Variants in SSU72 observed in about 807,000 individuals in gnomAD.
The protein encoded by SSU72 is SSU72 homolog, RNA polymerase II CTD phosphatase.
In SSU72, 12 loss-of-function variants were observed where a neutral mutation model predicts 22.7. The ratio of observed to expected loss-of-function variants is 0.53; its 90% confidence interval spans 0.34 to 0.86. SSU72 has a LOEUF of 0.86. Ranked by LOEUF, SSU72 falls within the 40% of genes least tolerant of loss-of-function variation. The pLI is 0.02. For missense variants in SSU72, 151 were observed against 249.8 expected, an observed-to-expected ratio of 0.60 and a Z score of 2.67; for synonymous variants, 116 against 98.3, an observed-to-expected ratio of 1.18 and a Z score of -1.06.
intron 2 of SSU72, among the ~76,000 whole-genome samples, chr1:1,548,572 A>C (rs6680168): frequency 0.5 from 71,725 of 143,336 alleles, 20,268 homozygotes; most frequent in African/African-American, 0.76. Context: ...AAAAAAAAAA[A>C]AAAACTCCCA....
chr1:1,550,535 T>G (rs1283319188), intron 2 of SSU72, among the ~76,000 whole-genome samples: 4 of 152,202 alleles, frequency 2.6e-5, no homozygotes, highest in Non-Finnish European at 5.9e-5. Flanking sequence ...AGAGAATCAG[T>G]GCCTGGGCCC....
rs151201684 is a variant in SSU72, at chr1:1,550,286, C to T, written c.225-5284G>A. Among the ~76,000 whole-genome samples the T allele has an allele frequency of 2.0e-5, 3 of 152,282 alleles. No homozygotes were observed. The East Asian group carries it at 5.8e-4, about 29-fold the overall frequency. On this transcript the variant is annotated intron_variant, in intron 2 of 4. Transcript: ENST00000291386. ...AACCCCCGCCATCCTCCACGCCAGC[C>T]CGGCTGGGGGTAGCTGGTGCCTCAG...
intron 4 of SSU72, 67 bp downstream of exon 4, chr1:1,543,802 G>T: frequency 7.3e-7 from 1 of 1,362,028 alleles, no homozygotes; most frequent in South Asian, 1.2e-5. Context: ...ACTCCCCTCT[G>T]TCACGGCCTC....
intron 2 of SSU72, chr1:1,545,324 C>T (rs1433907628): frequency 6.4e-6 from 2 of 312,942 alleles, no homozygotes; most frequent in Non-Finnish European, 1.2e-5. Context: ...TCACTGCTGG[C>T]CCGGCCCAAG....
chr1:1,570,625 G>C (rs987571808), intron 1 of SSU72, among the ~76,000 whole-genome samples: 5 of 152,070 alleles, frequency 3.3e-5, no homozygotes, highest in African/African-American at 1.2e-4. Flanking sequence ...GGGTATTATA[G>C]AAAATTATTT....
intron 1 of SSU72, among the ~76,000 whole-genome samples, chr1:1,566,179 C>T (rs562601493): frequency 3.9e-5 from 6 of 151,976 alleles, no homozygotes; most frequent in African/African-American, 7.3e-5. Context: ...GCATGAGAAT[C>T]GCTTGAACCC....
intron 2 of SSU72, among the ~76,000 whole-genome samples, chr1:1,557,201 TCAG>T: frequency 6.6e-6 from 1 of 152,106 alleles, no homozygotes; most frequent in Admixed American, 6.6e-5. Flanking sequence ...TCACTTGAGG[TCAG>T]CAGTTCAAGA....
chr1:1,557,036 G>A (rs1642529506), intron 2 of SSU72, among the ~76,000 whole-genome samples: 1 of 152,174 alleles, frequency 6.6e-6, no homozygotes, highest in East Asian at 1.9e-4. Context: ...TAAAACCCAC[G>A]ATCAGAGTTT....
At chr1:1,573,986 T>A (rs1642772045) in intron 1 of SSU72, among the ~76,000 whole-genome samples, 1 of 149,844 alleles carries the variant, frequency 6.7e-6, no homozygotes, top group Non-Finnish European at 1.5e-5. Context: ...AACTACCGGT[T>A]GGAGGCGTTC....
intron 1 of SSU72, among the ~76,000 whole-genome samples, chr1:1,568,313 C>A (rs775653606): frequency 4.6e-4 from 70 of 152,228 alleles, no homozygotes; most frequent in Non-Finnish European, 2.2e-4. Flanking sequence ...TTTACAAGTA[C>A]CAAAAATCTA....
intron 2 of SSU72, among the ~76,000 whole-genome samples, chr1:1,551,004 G>A (rs1347592759): frequency 6.6e-6 from 1 of 152,064 alleles, no homozygotes; most frequent in African/African-American, 2.4e-5. Flanking sequence ...TCCTGCCAGC[G>A]CCCCCAGGCT....
chr1:1,552,528 CTCCCGAGCCCCCAGCTCAGA>C lies in SSU72; in HGVS notation c.225-7546_225-7527del, dbSNP rs376468910. Reference sequence around the variant, plus strand: ...GTGCCCCACGCCCAGAGGGCGATTCCTCCCGAGCCCCCAGCTCAGAGCCTGAGCTCCAGGGCAGGGCCATC... The same window carrying C: ...GTGCCCCACGCCCAGAGGGCGATTCCGCCTGAGCTCCAGGGCAGGGCCATC... On this transcript the variant is annotated intron_variant, in intron 2 of 4. Coordinates refer to ENST00000291386, the MANE Select transcript of SSU72 (RefSeq NM_014188.3). Among the ~76,000 whole-genome samples the C allele has an allele frequency of 6.2e-3, 941 of 152,346 alleles. 12 individuals are homozygous for C. Among genetic ancestry groups the C allele is most frequent in the African/African-American group, 0.021 (879 of 41,582 alleles).
At chr1:1,543,806 C>G (rs145399149) in intron 4 of SSU72, 63 bp downstream of exon 4, 31 of 1,345,782 alleles carry the variant, frequency 2.3e-5, no homozygotes, top group Non-Finnish European at 3.1e-5. Flanking sequence ...CCCTCTGTCA[C>G]GGCCTCGGTC....
intron 2 of SSU72, among the ~76,000 whole-genome samples, chr1:1,546,860 C>CAAAAAAAAA (rs1169308811): frequency 6.7e-5 from 5 of 75,126 alleles, no homozygotes; most frequent in Non-Finnish European, 1.1e-4. Context: ...ACAACAACAA[C>CAAAAAAAAA]AAAAAAAAAA....
chr1:1,547,847 G>A (rs1015502283), intron 2 of SSU72, among the ~76,000 whole-genome samples: 2 of 152,202 alleles, frequency 1.3e-5, no homozygotes, highest in Admixed American at 6.5e-5. Flanking sequence ...GGAGAGAGGC[G>A]CCATCGGAAC....
intron 1 of SSU72, among the ~76,000 whole-genome samples, chr1:1,571,589 A>T (rs755538783): frequency 6.6e-6 from 1 of 152,066 alleles, no homozygotes; most frequent in Non-Finnish European, 1.5e-5. Context: ...TGATGGCGGC[A>T]CAGGTAAAAG....
At position 1,541,877 on chromosome 1, in the gene SSU72, A is replaced by T. The variant is rs1642324180; in HGVS notation, c.*189T>A. 6.8e-6 allele frequency: 4 copies of T among 585,854 alleles called. No homozygotes were observed. In the South Asian group the frequency reaches 8.2e-5, roughly 12 times the overall value. 36.3% of individuals were successfully genotyped at this position (585,854 alleles called of 1,614,324 possible). Reference sequence around the variant, plus strand: ...TAATCAATATCCTGCTCATAAGTAAAAGTGGAAAAGAAGAAACTTGATTGC... The same window carrying T: ...TAATCAATATCCTGCTCATAAGTAATAGTGGAAAAGAAGAAACTTGATTGC... On this transcript the variant is annotated 3_prime_UTR_variant, in exon 5 of 5. Coordinates refer to ENST00000291386, the MANE Select transcript of SSU72 (RefSeq NM_014188.3).
At chr1:1,570,893 C>T (rs1280519531) in intron 1 of SSU72, among the ~76,000 whole-genome samples, 9 of 151,882 alleles carry the variant, frequency 5.9e-5, no homozygotes, top group Non-Finnish European at 1.2e-4. Flanking sequence ...GGGCAGATCA[C>T]GAGGTCAGGA....
chr1:1,574,040 AG>A, intron 1 of SSU72, among the ~76,000 whole-genome samples: 1 of 149,198 alleles, frequency 6.7e-6, no homozygotes, highest in Non-Finnish European at 1.5e-5. Flanking sequence ...AAAAAGAAGA[AG>A]AAGTAGCAAA....
Sources: allele counts gnomAD v4.1 joint callset (sites outside exome capture counted in the v4.1 genomes callset), GRCh38; gene constraint gnomAD v4.1.1; transcripts MANE v1.5; gene names NCBI Gene and HGNC (gene_info 2026-07-23, HGNC 2026-07-21).